ZFHX3: variants seen among roughly 807,000 people sequenced by gnomAD.
ZFHX3 encodes the protein zinc finger homeobox protein 3.
In ZFHX3, 42 loss-of-function variants were observed where a neutral mutation model predicts 279.1. The ratio of observed to expected loss-of-function variants is 0.15; its 90% CI spans 0.12 to 0.19. The LOEUF (loss-of-function observed/expected upper bound fraction) is 0.19. Ranked by LOEUF, ZFHX3 falls within the 10% of genes least tolerant of loss-of-function variation. The pLI is 1.00. For synonymous variants in ZFHX3, 2,293 were observed against 1,957.8 expected (o/e 1.17, Z -4.52); for missense variants, 4,981 against 4,754.0 (o/e 1.05, Z -1.40).
At chr16:72,975,850 TAAG>T (rs1435130318) in intron 1 of ZFHX3, among the ~76,000 whole-genome samples, 4 of 152,230 alleles carry the variant, frequency 2.6e-5, no homozygotes, top group Admixed American at 2.6e-4. Context: ...CAACAGCTGC[TAAG>T]AAGAACCACC....
intron 2 of ZFHX3, among the ~76,000 whole-genome samples, chr16:73,557,271 G>A (rs2020301866): frequency 6.6e-6 from 1 of 152,056 alleles, no homozygotes; most frequent in African/African-American, 2.4e-5. Context: ...AAAGGCCAAG[G>A]AGAGTAGCGC....
intron 2 of ZFHX3, among the ~76,000 whole-genome samples, chr16:73,674,589 T>C (rs1174404209): frequency 6.6e-6 from 1 of 152,228 alleles, no homozygotes; most frequent in Non-Finnish European, 1.5e-5. Flanking sequence ...CATTGCTGTA[T>C]CCATGCCCTT....
intron 5 of ZFHX3, among the ~76,000 whole-genome samples, chr16:73,176,696 T>C (rs1038879349): frequency 9.9e-5 from 15 of 151,814 alleles, no homozygotes; most frequent in African/African-American, 3.4e-4. Context: ...TCCAGAATGC[T>C]GCCACCTTTG....
At chr16:73,128,814 C>G (rs564335261) in intron 7 of ZFHX3, among the ~76,000 whole-genome samples, 10 of 152,300 alleles carry the variant, frequency 6.6e-5, no homozygotes, top group Non-Finnish European at 1.3e-4. Flanking sequence ...GTGATACAAA[C>G]AAGGGAATTC....
At chr16:73,364,130 A>G (rs1358452641) in intron 3 of ZFHX3, among the ~76,000 whole-genome samples, 5 of 151,848 alleles carry the variant, frequency 3.3e-5, no homozygotes, top group African/African-American at 7.3e-5. Flanking sequence ...CCGAAATGGT[A>G]CCACTGCACA....
intron 3 of ZFHX3, among the ~76,000 whole-genome samples, chr16:72,929,607 G>C (rs1959678254): frequency 6.6e-6 from 1 of 152,220 alleles, no homozygotes; most frequent in Admixed American, 6.5e-5. Context: ...GTTCTGAAAG[G>C]TGGCCTCGCC....
At chr16:73,011,658 G>A (rs1439842135) in intron 1 of ZFHX3, among the ~76,000 whole-genome samples, 1 of 151,982 alleles carries the variant, frequency 6.6e-6, no homozygotes, top group Non-Finnish European at 1.5e-5. Context: ...TAGAGGCAGA[G>A]GTCGCAGTGC....
chr16:72,982,188 A>G (rs1962634346), intron 1 of ZFHX3, among the ~76,000 whole-genome samples: 1 of 152,124 alleles, frequency 6.6e-6, no homozygotes, highest in Non-Finnish European at 1.5e-5. Context: ...CAGCCTTTCT[A>G]CACATTTTCA....
At chr16:72,835,189 G>C (rs1597290984) in intron 4 of ZFHX3, among the ~76,000 whole-genome samples, 3 of 152,200 alleles carry the variant, frequency 2.0e-5, no homozygotes, top group Admixed American at 6.5e-5. Context: ...AAGTGCGTTT[G>C]CCTGTCGGCA....
chr16:73,774,522 G>C (rs914047283), intron 1 of ZFHX3, among the ~76,000 whole-genome samples: 1 of 152,150 alleles, frequency 6.6e-6, no homozygotes, highest in East Asian at 1.9e-4. Context: ...CTTACCTCCA[G>C]ACTCAATCTT....
intron 1 of ZFHX3, among the ~76,000 whole-genome samples, chr16:73,775,679 C>A (rs951822817): frequency 6.6e-6 from 1 of 152,176 alleles, no homozygotes; most frequent in Non-Finnish European, 1.5e-5. Flanking sequence ...AATTATTCGG[C>A]TCTACCTTAC....
At chr16:73,623,125 C>T (rs974389747) in intron 2 of ZFHX3, among the ~76,000 whole-genome samples, 3 of 151,982 alleles carry the variant, frequency 2.0e-5, no homozygotes, top group African/African-American at 7.3e-5. Context: ...CAAGCTCCGC[C>T]TCCCGGGTTC....
Position 72,811,724 on chromosome 16 carries a change from C to T in ZFHX3, c.3717G>A (p.Arg1239=), listed in dbSNP as rs1192760205. ...CCGAGTGCTGCGTCATGGCATGCAC[C>T]CGGAGCCGGTTGACATCGGCATTAC... is the stretch of plus-strand genomic sequence containing the variant. ...KYSNADVNRL[R]VHAMTQHSVQ... Residue 1239 remains arginine (R), a synonymous_variant, in exon 7 of 10, where the codon CGG becomes CGA. Transcript: ENST00000268489. 3 of 1,614,046 alleles carry T rather than the reference C, an allele frequency of 1.9e-6. No homozygotes were observed. The highest frequency in any genetic ancestry group is 2.2e-5 in the East Asian group (1 of 44,874).
At chr16:73,389,653 G>A (rs2016971600) in intron 3 of ZFHX3, among the ~76,000 whole-genome samples, 1 of 152,216 alleles carries the variant, frequency 6.6e-6, no homozygotes, top group African/African-American at 2.4e-5. Context: ...TTTCCCAACA[G>A]CTCTATTGGA....
chr16:72,940,810 T>A (rs1596988496), intron 3 of ZFHX3, among the ~76,000 whole-genome samples: 1 of 152,208 alleles, frequency 6.6e-6, no homozygotes, highest in African/African-American at 2.4e-5. Flanking sequence ...CCAAACACTA[T>A]CAGTAGATAA....
intron 1 of ZFHX3, among the ~76,000 whole-genome samples, chr16:73,709,233 G>A (rs1023247018): frequency 6.6e-6 from 1 of 151,872 alleles, no homozygotes; most frequent in Non-Finnish European, 1.5e-5. Context: ...GGCCTAGTGG[G>A]GTGCACCTGT....
In ZFHX3 at chr16:73,725,102, G is replaced by T. The variant is rs1177011985; in HGVS notation, c.-1607-44862C>A. Among the ~76,000 whole-genome samples, 3 of 152,220 alleles carry T rather than the reference G, an allele frequency of 2.0e-5. No individual in the cohort carries two copies. The East Asian group carries it at 5.8e-4, about 29-fold the overall frequency. ...AAGGGCCTCAGTCGAGATGTAGAAA[G>T]CAACTTTTTAACCGGCGTATATTAA... is the stretch of plus-strand genomic sequence containing the variant. On this transcript the variant is annotated intron_variant, in intron 1 of 17. Coordinates refer to the ZFHX3 transcript ENST00000641206.
intron 7 of ZFHX3, among the ~76,000 whole-genome samples, chr16:72,802,498 G>C (rs2036136095): frequency 6.6e-6 from 1 of 152,080 alleles, no homozygotes; most frequent in Non-Finnish European, 1.5e-5. Flanking sequence ...ATGTGTTTAA[G>C]TAACTACTTT....
At chr16:73,118,496 C>T (rs905371338) in intron 7 of ZFHX3, among the ~76,000 whole-genome samples, 1 of 130,336 alleles carries the variant, frequency 7.7e-6, no homozygotes, top group Non-Finnish European at 1.8e-5. Flanking sequence ...GTGTGAGCCA[C>T]CATGCCTGGC....
Sources: allele counts gnomAD v4.1 joint callset (sites outside exome capture counted in the v4.1 genomes callset), GRCh38; gene constraint gnomAD v4.1.1; transcripts MANE v1.5; gene names NCBI Gene and HGNC (gene_info 2026-07-23, HGNC 2026-07-21).